Variants in PCDHA5 observed in about 807,000 individuals in gnomAD.
PCDHA5 encodes the protein protocadherin alpha-5.
A neutral mutation model predicts 61.6 loss-of-function variants in PCDHA5; 43 were observed. The observed-to-expected ratio is 0.70, with a 90% CI of 0.55 to 0.90. The LOEUF is 0.90. PCDHA5 is among the 40% of genes least tolerant of loss of function. The pLI is 0.00. For missense variants in PCDHA5, 1,298 were observed against 1,222.7 expected, an observed-to-expected ratio of 1.06 and a Z score of -0.92; for synonymous variants, 627 against 543.9, an observed-to-expected ratio of 1.15 and a Z score of -2.13.
chr5:140,870,194 C>G, intron 1 of PCDHA5: 1 of 1,614,168 alleles, frequency 6.2e-7, no homozygotes, highest in Non-Finnish European at 8.5e-7. Context: ...GACGCTCAGC[C>G]CAGCACGGTC....
chr5:140,828,605 C>A, intron 1 of PCDHA5: 1 of 1,614,210 alleles, frequency 6.2e-7, no homozygotes, highest in Admixed American at 1.7e-5. Context: ...AACCTATAAA[C>A]TCAGTTCTAG....
intron 1 of PCDHA5, 58 bp downstream of exon 1, chr5:140,824,185 C>A: frequency 6.2e-7 from 1 of 1,603,316 alleles, no homozygotes; most frequent in Non-Finnish European, 8.5e-7. Flanking sequence ...TATTAAATGT[C>A]ACATTCACCC....
intron 1 of PCDHA5, chr5:140,830,314 C>T: frequency 6.2e-7 from 1 of 1,613,988 alleles, no homozygotes; most frequent in South Asian, 1.1e-5. Flanking sequence ...CGCTGGTGTG[C>T]TCCAGCGCAG....
chr5:140,897,726 A>T (rs149995278), intron 1 of PCDHA5, among the ~76,000 whole-genome samples: 22,632 of 152,088 alleles, frequency 0.15, 1,739 homozygotes, highest in Middle Eastern at 0.2. Flanking sequence ...GCTGGGTCAA[A>T]TAGTATTTCT....
At chr5:140,836,998 G>A (rs2150272095) in intron 1 of PCDHA5, 32 of 336,008 alleles carry the variant, frequency 9.5e-5, no homozygotes, top group Non-Finnish European at 1.5e-4. Flanking sequence ...TTGCTAACTG[G>A]AGCAATGGAT....
At chr5:140,958,667 TA>T (rs1310790364) in intron 1 of PCDHA5, among the ~76,000 whole-genome samples, 1 of 152,186 alleles carries the variant, frequency 6.6e-6, no homozygotes, top group African/African-American at 2.4e-5. Context: ...GATGAAATTT[TA>T]ATTATAAAGG....
At position 141,010,124 on chromosome 5, in the gene PCDHA5, G is replaced by C. The variant is rs1161168842; in HGVS notation, c.*187G>C. 1.2e-6 allele frequency: 2 copies of C among 1,605,172 alleles called. No homozygotes were observed. The highest frequency in any genetic ancestry group is 1.1e-5 in the South Asian group (1 of 90,170). On this transcript the variant is annotated 3_prime_UTR_variant, in exon 4 of 4. Coordinates refer to ENST00000529859, the MANE Select transcript of PCDHA5 (RefSeq NM_018908.3). ...GGTTTTGTCGTAAAAGCTTTACTAA[G>C]TCTGGTGTTAACTCTTTCTCTCCAC...
At position 140,853,954 on chromosome 5, in the gene PCDHA5, C is replaced by G. The variant is rs889937140; in HGVS notation, c.2352+29827C>G. The G allele has an allele frequency of 6.5e-5, 49 of 756,134 alleles. 3 individuals are homozygous for G. In the Middle Eastern group the frequency reaches 2.0e-3, roughly 31 times the overall value. The allele number at this position is 756,134 out of a possible 1,614,324, so 46.8% of individuals were successfully genotyped here. On this transcript the variant is annotated intron_variant, in intron 1 of 3. Coordinates refer to ENST00000529859, the MANE Select transcript of PCDHA5 (RefSeq NM_018908.3). The stretch of plus-strand genomic sequence containing the variant: ...GAGGCCAAGGTGGGAGGGTCCCTTC[C>G]TTGAGCCCAGCAGTTTGAGACCAAT...
rs2098422568 is a variant in PCDHA5 at position 141,011,988 on chromosome 5, C to A, written c.*2051C>A. ...AAACTGTCTTGTCTACTTTTAGCTTCATTCTCCCATATTTTGAAGGGTGTG... is the reference window on the plus strand; with the variant it reads ...AAACTGTCTTGTCTACTTTTAGCTTAATTCTCCCATATTTTGAAGGGTGTG... On this transcript the variant is annotated 3_prime_UTR_variant, in exon 4 of 4. Coordinates refer to ENST00000529859, the MANE Select transcript of PCDHA5 (RefSeq NM_018908.3). 6.5e-6 allele frequency: 1 copy of A among 153,688 alleles called. No individual in the cohort carries two copies. The highest frequency in any genetic ancestry group is 2.4e-5 in the African/African-American group (1 of 41,434). 9.5% of individuals were successfully genotyped at this position (153,688 alleles called of 1,614,324 possible). A position where few individuals can be genotyped will look rare whatever the true frequency, so the allele number is the denominator to read the frequency against.
rs191667063 is a variant in PCDHA5 at position 140,957,933 on chromosome 5, T to G, written c.2353-21016T>G. Among the ~76,000 whole-genome samples the G allele has an allele frequency of 2.8e-3, 419 of 152,208 alleles. 2 individuals carry two copies. The highest frequency in any genetic ancestry group is 0.014 in the Middle Eastern group (4 of 294). ...GTTATCTATGTATCAAGCTAAATAA[T>G]TTAAAGATCTTTAAGACTATTAATT... is the stretch of plus-strand genomic sequence containing the variant. On this transcript the variant is annotated intron_variant, in intron 1 of 3. Transcript: ENST00000529859.
chr5:140,963,941 G>A lies in PCDHA5; in HGVS notation c.2353-15008G>A, dbSNP rs1434019587. Among the ~76,000 whole-genome samples the A allele has an allele frequency of 7.9e-5, 12 of 152,320 alleles. No homozygotes were observed. In the East Asian group the frequency reaches 9.6e-4, roughly 12 times the overall value. On this transcript the variant is annotated intron_variant, in intron 1 of 3. Coordinates refer to ENST00000529859, the MANE Select transcript of PCDHA5 (RefSeq NM_018908.3). ...TAAGTAACATGTCCATAGCCAAACAGTTAGTCACTGGCAGGAGTGTGACTG... is the reference window on the plus strand; with the variant it reads ...TAAGTAACATGTCCATAGCCAAACAATTAGTCACTGGCAGGAGTGTGACTG...
At chr5:140,982,211 A>G (rs1554243869) in intron 2 of PCDHA5, 1 of 476,036 alleles carries the variant, frequency 2.1e-6, no homozygotes, top group African/African-American at 2.0e-5. Flanking sequence ...AGTGAGCGCC[A>G]CATGGCGTTA....
chr5:140,834,723 CT>C, intron 1 of PCDHA5: 1 of 1,614,276 alleles, frequency 6.2e-7, no homozygotes, highest in South Asian at 1.1e-5. Flanking sequence ...GGAAAGGCCG[CT>C]GCAGGTTTTC....
intron 1 of PCDHA5, chr5:140,876,601 C>G: frequency 6.2e-7 from 1 of 1,614,152 alleles, no homozygotes; most frequent in Non-Finnish European, 8.5e-7. Context: ...CGTGTCGGAT[C>G]GTGACTCTGG....
At position 140,828,207 on chromosome 5, in the gene PCDHA5, C is replaced by A. The variant is rs1769609355; in HGVS notation, c.2352+4080C>A. 6 of 1,614,008 alleles carry A rather than the reference C, an allele frequency of 3.7e-6. No homozygotes were observed. The highest frequency in any genetic ancestry group is 1.1e-5 in the South Asian group (1 of 91,066). ...CTCCACTACTCCGTACCCGAGGAGG[C>A]CAAACACGGCACCTTCGTGGGCCGG... On this transcript the variant is annotated intron_variant, in intron 1 of 3. Coordinates refer to ENST00000529859, the MANE Select transcript of PCDHA5 (RefSeq NM_018908.3).
chr5:140,862,449 G>A (rs904755604), intron 1 of PCDHA5: 31 of 364,384 alleles, frequency 8.5e-5, no homozygotes, highest in African/African-American at 6.4e-4. Context: ...ACTCCACAGC[G>A]CCCTGGACCA....
At chr5:140,874,926 A>C (rs1282020251) in intron 1 of PCDHA5, among the ~76,000 whole-genome samples, 1 of 152,228 alleles carries the variant, frequency 6.6e-6, no homozygotes, top group Non-Finnish European at 1.5e-5. Flanking sequence ...GTGAAGGTTA[A>C]AAGTTATTGA....
chr5:140,965,855 T>G (rs961780781), intron 1 of PCDHA5, among the ~76,000 whole-genome samples: 1 of 152,226 alleles, frequency 6.6e-6, no homozygotes, highest in African/African-American at 2.4e-5. Context: ...AGGCACACAC[T>G]GAAAATAAGG....
rs1355633400 is a variant in PCDHA5 at position 140,846,435 on chromosome 5, C to G, written c.2352+22308C>G. ...TATCTCCCAGGCTGGAATGCAGTGG[C>G]GCAATCTCGGCTCACTGCAACCTCT... On this transcript the variant is annotated intron_variant, in intron 1 of 3. Transcript: ENST00000529859. Among the ~76,000 whole-genome samples, 18 of 133,632 alleles carry G rather than the reference C, an allele frequency of 1.3e-4. 1 individual carries two copies. Among genetic ancestry groups the G allele is most frequent in the African/African-American group, 4.0e-4 (14 of 35,360 alleles). 87.7% of individuals were successfully genotyped at this position (133,632 alleles called of 152,430 possible).
Sources: allele counts gnomAD v4.1 joint callset (sites outside exome capture counted in the v4.1 genomes callset), GRCh38; gene constraint gnomAD v4.1.1; transcripts MANE v1.5; gene names NCBI Gene and HGNC (gene_info 2026-07-23, HGNC 2026-07-21).